The following RHOBTB1 variants were observed in gnomAD, a reference collection of about 807,000 sequenced individuals.
RHOBTB1 encodes the protein Rho related BTB domain containing 1.
In RHOBTB1, 40 loss-of-function variants were observed where a neutral mutation model predicts 71.6. The ratio of observed to expected loss-of-function variants is 0.56; its 90% CI spans 0.43 to 0.73. The LOEUF (loss-of-function observed/expected upper bound fraction) is 0.73, where lower values mean the gene tolerates loss of function less well. RHOBTB1 is among the 30% of genes least tolerant of loss of function. RHOBTB1 has a pLI of 0.00. For missense variants in RHOBTB1, 797 were observed against 894.0 expected (o/e 0.89, Z 1.38); for synonymous variants, 319 against 334.9 (o/e 0.95, Z 0.52).
chr10:60,965,049 G>A (rs1018623131), intron 2 of RHOBTB1, among the ~76,000 whole-genome samples: 5 of 152,064 alleles, frequency 3.3e-5, no homozygotes, highest in Admixed American at 2.0e-4. Context: ...GGAAGAGTGA[G>A]TTACTTATAA....
chr10:60,948,818 C>T (rs1396710109), upstream of RHOBTB1, among the ~76,000 whole-genome samples: 1 of 152,182 alleles, frequency 6.6e-6, no homozygotes, highest in Non-Finnish European at 1.5e-5. Context: ...TTCTGGCTTC[C>T]TAAAGAGGAA....
chr10:60,900,480 G>T (rs969614316), intron 4 of RHOBTB1, among the ~76,000 whole-genome samples: 2 of 152,188 alleles, frequency 1.3e-5, no homozygotes, highest in Non-Finnish European at 2.9e-5. Context: ...GACACCTCTA[G>T]TTCAGCATTG....
intron 2 of RHOBTB1, among the ~76,000 whole-genome samples, chr10:60,930,198 T>A (rs1055808614): frequency 6.6e-6 from 1 of 152,190 alleles, no homozygotes; most frequent in African/African-American, 2.4e-5. Context: ...AAACAACCTA[T>A]GACAAGTGAG....
intron 1 of RHOBTB1, among the ~76,000 whole-genome samples, chr10:60,998,151 C>T (rs2087124346): frequency 6.6e-6 from 1 of 152,204 alleles, no homozygotes; most frequent in South Asian, 2.1e-4. Context: ...GCCCTGTCGT[C>T]TCCATTATGG....
At chr10:60,991,492 G>A (rs2086867150) in intron 1 of RHOBTB1, among the ~76,000 whole-genome samples, 1 of 149,464 alleles carries the variant, frequency 6.7e-6, no homozygotes, top group African/African-American at 2.5e-5. Context: ...GTGCAGTGGT[G>A]CAATCCTGGC....
At chr10:60,975,535 C>A (rs573612423) in intron 2 of RHOBTB1, among the ~76,000 whole-genome samples, 3 of 152,182 alleles carry the variant, frequency 2.0e-5, no homozygotes, top group African/African-American at 7.2e-5. Context: ...TACTTATTCG[C>A]TTGCATGGAA....
chr10:60,921,277 A>G (rs2083547881), intron 2 of RHOBTB1, among the ~76,000 whole-genome samples: 2 of 152,254 alleles, frequency 1.3e-5, no homozygotes, highest in Admixed American at 1.3e-4. Context: ...AATCCCCAAT[A>G]TCACTGAGAC....
intron 5 of RHOBTB1, among the ~76,000 whole-genome samples, chr10:60,891,978 C>T (rs535869411): frequency 3.4e-4 from 52 of 152,226 alleles, no homozygotes; most frequent in African/African-American, 1.2e-3. Context: ...CGCCTTTGCT[C>T]GGTTCTCATT....
intron 2 of RHOBTB1, among the ~76,000 whole-genome samples, chr10:60,913,792 C>T (rs551391079): frequency 8.3e-4 from 127 of 152,286 alleles, no homozygotes; most frequent in African/African-American, 2.8e-3. Flanking sequence ...ATCCTAGCTC[C>T]CCCATTTTCC....
At chr10:60,982,154 C>T (rs539606290) in intron 2 of RHOBTB1, among the ~76,000 whole-genome samples, 9 of 152,272 alleles carry the variant, frequency 5.9e-5, no homozygotes, top group East Asian at 5.8e-4. Context: ...AATTAAATGG[C>T]GGCCCATGAA....
intron 2 of RHOBTB1, among the ~76,000 whole-genome samples, chr10:60,951,420 C>T (rs915037911): frequency 1.3e-4 from 20 of 152,196 alleles, no homozygotes; most frequent in African/African-American, 4.8e-4. Context: ...TTCAGAGTAT[C>T]CTTAGCTCTG....
intron 2 of RHOBTB1, among the ~76,000 whole-genome samples, chr10:60,922,906 C>T (rs966946368): frequency 6.6e-6 from 1 of 152,206 alleles, no homozygotes; most frequent in African/African-American, 2.4e-5. Flanking sequence ...TGAGGGGGTG[C>T]TGCCTCTTAA....
At chr10:60,932,410 T>C (rs1457092147) in intron 2 of RHOBTB1, among the ~76,000 whole-genome samples, 1 of 149,586 alleles carries the variant, frequency 6.7e-6, no homozygotes, top group African/African-American at 2.5e-5. Flanking sequence ...TTGATCTAGG[T>C]GCCAGTTACA....
chr10:60,966,618 T>A (rs1333659636), intron 2 of RHOBTB1, among the ~76,000 whole-genome samples: 1 of 152,088 alleles, frequency 6.6e-6, no homozygotes, highest in East Asian at 1.9e-4. Flanking sequence ...TTAAACCATC[T>A]ATTTTGCTTC....
intron 2 of RHOBTB1, among the ~76,000 whole-genome samples, chr10:60,970,421 T>C (rs1189244906): frequency 6.6e-6 from 1 of 152,082 alleles, no homozygotes; most frequent in African/African-American, 2.4e-5. Context: ...ATAACATGCA[T>C]TTTTCCTTTT....
chr10:60,892,026 T>C (rs2081948386), intron 5 of RHOBTB1, among the ~76,000 whole-genome samples: 1 of 152,172 alleles, frequency 6.6e-6, no homozygotes, highest in Non-Finnish European at 1.5e-5. Flanking sequence ...AGGATGTGTT[T>C]TCTTCCCCTC....
chr10:60,961,020 C>G lies in RHOBTB1; in HGVS notation c.-61-19166G>C, dbSNP rs367975575. ...ATTCACTAACTCTATCTGTACTGTA[C>G]TCAGAGAGTCAACTGTGCTTTACCC... On this transcript the variant is annotated intron_variant, in intron 2 of 11. Coordinates refer to the RHOBTB1 transcript ENST00000357917. Among the ~76,000 whole-genome samples the G allele has an allele frequency of 2.0e-5, 3 of 152,224 alleles. No individual in the cohort carries two copies. In the East Asian group the frequency reaches 5.8e-4, roughly 29 times the overall value.
chr10:60,978,800 C>T (rs1726349516), intron 2 of RHOBTB1, among the ~76,000 whole-genome samples: 1 of 152,052 alleles, frequency 6.6e-6, no homozygotes, highest in African/African-American at 2.4e-5. Flanking sequence ...TTATACAAAA[C>T]CTGTAATCCA....
At chr10:60,912,534 TA>T (rs941974661) in intron 2 of RHOBTB1, among the ~76,000 whole-genome samples, 1 of 152,100 alleles carries the variant, frequency 6.6e-6, no homozygotes, top group African/African-American at 2.4e-5. Flanking sequence ...TGCCTAGCCT[TA>T]AAAAAGATAT....
Sources: allele counts gnomAD v4.1 joint callset (sites outside exome capture counted in the v4.1 genomes callset), GRCh38; gene constraint gnomAD v4.1.1; transcripts MANE v1.5; gene names NCBI Gene and HGNC (gene_info 2026-07-23, HGNC 2026-07-21).